NAALADL2: variants seen among roughly 807,000 people sequenced by gnomAD.
NAALADL2 encodes the protein inactive N-acetylated-alpha-linked acidic dipeptidase-like protein 2.
A neutral mutation model predicts 87.2 loss-of-function variants in NAALADL2; 76 were observed. The observed-to-expected ratio is 0.87, with a 90% CI of 0.72 to 1.05. NAALADL2 has a LOEUF of 1.05. NAALADL2 is among the 50% of genes least tolerant of loss of function. The pLI, the probability that NAALADL2 is intolerant of heterozygous loss-of-function variation, is 0.00. For synonymous variants in NAALADL2, 354 were observed against 331.0 expected (o/e 1.07, Z -0.75); for missense variants, 1,089 against 945.8 (o/e 1.15, Z -1.99).
At chr3:175,715,673 C>T (rs932404871) in intron 11 of NAALADL2, among the ~76,000 whole-genome samples, 7 of 151,864 alleles carry the variant, frequency 4.6e-5, no homozygotes, top group African/African-American at 1.5e-4. Flanking sequence ...GTGAGGTGTT[C>T]GAGACCAGCC....
At chr3:175,055,458 C>T (rs1198983227) in intron 1 of NAALADL2, among the ~76,000 whole-genome samples, 1 of 152,212 alleles carries the variant, frequency 6.6e-6, no homozygotes, top group Non-Finnish European at 1.5e-5. Context: ...GTTCCCCAGG[C>T]AGAAGGCTCA....
intron 12 of NAALADL2, among the ~76,000 whole-genome samples, chr3:175,744,688 T>C (rs1745688491): frequency 6.6e-6 from 1 of 152,196 alleles, no homozygotes; most frequent in Non-Finnish European, 1.5e-5. Flanking sequence ...TAGGCATCAG[T>C]TCTATTTTAG....
At chr3:175,526,706 AG>A (rs1458861819) in intron 9 of NAALADL2, among the ~76,000 whole-genome samples, 2 of 152,148 alleles carry the variant, frequency 1.3e-5, no homozygotes, top group Non-Finnish European at 1.5e-5. Context: ...TCTTCCAAAA[AG>A]ACCTAAAAAC....
intron 10 of NAALADL2, among the ~76,000 whole-genome samples, chr3:175,604,262 T>G (rs2149649199): frequency 6.6e-6 from 1 of 151,894 alleles, no homozygotes; most frequent in African/African-American, 2.4e-5. Context: ...TGAGGTGGTA[T>G]CTCATTGTAG....
chr3:174,787,604 T>TATATACATATATATATATACAC (rs1560225762), intron 3 of NAALADL2, among the ~76,000 whole-genome samples: 5 of 87,934 alleles, frequency 5.7e-5, no homozygotes, highest in African/African-American at 1.1e-4. Flanking sequence ...TATATATATA[T>TATATACATATATATATATACAC]ATATATATAT....
At chr3:175,071,011 T>C (rs1293147073) in intron 1 of NAALADL2, among the ~76,000 whole-genome samples, 2 of 151,994 alleles carry the variant, frequency 1.3e-5, no homozygotes, top group Non-Finnish European at 2.9e-5. Context: ...GTTGAAGATG[T>C]GTCTAAGAAC....
At chr3:174,602,559 T>G (rs1718562542) in intron 2 of NAALADL2, among the ~76,000 whole-genome samples, 1 of 151,944 alleles carries the variant, frequency 6.6e-6, no homozygotes, top group African/African-American at 2.4e-5. Flanking sequence ...ATTTGAAAAT[T>G]ATATTTCAAA....
chr3:175,411,212 A>G (rs143550796), intron 5 of NAALADL2, among the ~76,000 whole-genome samples: 23 of 152,302 alleles, frequency 1.5e-4, no homozygotes, highest in Non-Finnish European at 2.5e-4. Context: ...GAGGTGGCCT[A>G]TAATTTACTA....
chr3:174,900,046 AAAAT>A (rs1732121059), intron 1 of NAALADL2, among the ~76,000 whole-genome samples: 1 of 152,130 alleles, frequency 6.6e-6, no homozygotes, highest in African/African-American at 2.4e-5. Context: ...TGGCAAAACA[AAAAT>A]AAAACAAAAC....
intron 5 of NAALADL2, among the ~76,000 whole-genome samples, chr3:175,334,609 T>C (rs1159178808): frequency 6.6e-6 from 1 of 151,948 alleles, no homozygotes; most frequent in Non-Finnish European, 1.5e-5. Context: ...CAGCATACTA[T>C]AAATATGCAT....
At chr3:175,262,128 A>G (rs553052555) in intron 4 of NAALADL2, among the ~76,000 whole-genome samples, 1 of 152,212 alleles carries the variant, frequency 6.6e-6, no homozygotes, top group Non-Finnish European at 1.5e-5. Flanking sequence ...AAATATTTAT[A>G]TATATTGGTG....
intron 1 of NAALADL2, among the ~76,000 whole-genome samples, chr3:174,868,398 T>C (rs1210267690): frequency 2.6e-5 from 4 of 152,124 alleles, no homozygotes; most frequent in Admixed American, 1.3e-4. Context: ...ATTGTGAAAA[T>C]TAAAAACATA....
At chr3:175,591,826 ATG>A (rs1233114297) in intron 10 of NAALADL2, among the ~76,000 whole-genome samples, 14 of 119,834 alleles carry the variant, frequency 1.2e-4, no homozygotes, top group African/African-American at 4.0e-4. Context: ...ATATATATAT[ATG>A]TATGAAAATG....
chr3:175,451,484 A>G (rs1393267271), intron 6 of NAALADL2, among the ~76,000 whole-genome samples: 2 of 152,252 alleles, frequency 1.3e-5, no homozygotes, highest in Non-Finnish European at 2.9e-5. Context: ...CGTATTGTCA[A>G]TATTTGTCTT....
intron 5 of NAALADL2, among the ~76,000 whole-genome samples, chr3:175,424,611 T>C (rs7619955): frequency 0.18 from 27,448 of 152,166 alleles, 3,595 homozygotes; most frequent in African/African-American, 0.36. Context: ...GGCTCTGTTC[T>C]GTTCTATATC....
chr3:175,460,887 C>A (rs1335165174), intron 6 of NAALADL2, among the ~76,000 whole-genome samples: 1 of 152,176 alleles, frequency 6.6e-6, no homozygotes, highest in East Asian at 1.9e-4. Context: ...AAGAATAAAG[C>A]TTCCACAGTG....
intron 2 of NAALADL2, among the ~76,000 whole-genome samples, chr3:174,588,180 G>A (rs906259242): frequency 6.6e-6 from 1 of 152,130 alleles, no homozygotes; most frequent in African/African-American, 2.4e-5. Flanking sequence ...TGAAGCTTAT[G>A]CATGCGTCAC....
At chr3:175,164,261 A>G (rs976961520) in intron 2 of NAALADL2, among the ~76,000 whole-genome samples, 17 of 151,880 alleles carry the variant, frequency 1.1e-4, no homozygotes, top group South Asian at 2.1e-4. Context: ...AAATATATGT[A>G]AATATGTATA....
At chr3:175,465,739 G>A (rs553009703) in intron 7 of NAALADL2, among the ~76,000 whole-genome samples, 68 of 152,192 alleles carry the variant, frequency 4.5e-4, no homozygotes, top group African/African-American at 1.5e-3. Context: ...CCAAAATACC[G>A]GGATTACAGG....
Sources: allele counts gnomAD v4.1 joint callset (sites outside exome capture counted in the v4.1 genomes callset), GRCh38; gene constraint gnomAD v4.1.1; transcripts MANE v1.5; gene names NCBI Gene and HGNC (gene_info 2026-07-23, HGNC 2026-07-21).